CCDC60: variants seen among roughly 807,000 people sequenced by gnomAD.
CCDC60 encodes coiled-coil domain containing 60.
CCDC60 carries 54 observed loss-of-function variants against 63.5 expected under a neutral mutation model. The ratio of observed to expected loss-of-function variants is 0.85; its 90% CI spans 0.68 to 1.07. The LOEUF (loss-of-function observed/expected upper bound fraction) is 1.07, where lower values mean the gene tolerates loss of function less well. Ranked by LOEUF, CCDC60 falls within the 50% of genes least tolerant of loss-of-function variation. The pLI is 0.00. For synonymous variants in CCDC60, 206 were observed against 238.8 expected (o/e 0.86, Z 1.27); for missense variants, 651 against 684.3 (o/e 0.95, Z 0.54).
intron 1 of CCDC60, among the ~76,000 whole-genome samples, chr12:119,418,528 C>G (rs1956752127): frequency 6.7e-6 from 1 of 150,280 alleles, no homozygotes; most frequent in African/African-American, 2.4e-5. Context: ...GATTCTCCTG[C>G]CTCAGCCTCC....
chr12:119,351,289 T>G (rs766377725), intron 1 of CCDC60, among the ~76,000 whole-genome samples: 13 of 152,254 alleles, frequency 8.5e-5, no homozygotes, highest in Admixed American at 6.5e-5. Flanking sequence ...ACCTTGAAGA[T>G]GCCTTCAGGG....
chr12:119,487,831 T>G (rs772078944), intron 4 of CCDC60, among the ~76,000 whole-genome samples: 10 of 152,072 alleles, frequency 6.6e-5, no homozygotes, highest in Admixed American at 3.9e-4. Context: ...AATCAGAAAA[T>G]GTAGGTGAGA....
At chr12:119,524,003 G>A (rs946168319) in intron 11 of CCDC60, among the ~76,000 whole-genome samples, 185 bp downstream of exon 11, 1 of 152,120 alleles carries the variant, frequency 6.6e-6, no homozygotes, top group African/African-American at 2.4e-5. Context: ...AAATATATAG[G>A]TACAAATTCT....
At chr12:119,437,027 CA>C (rs1950338751) in intron 2 of CCDC60, among the ~76,000 whole-genome samples, 1 of 152,084 alleles carries the variant, frequency 6.6e-6, no homozygotes, top group South Asian at 2.1e-4. Flanking sequence ...CCAAGGAGCC[CA>C]ACAAAAATGA....
intron 6 of CCDC60, among the ~76,000 whole-genome samples, chr12:119,504,694 T>G (rs951673998): frequency 2.6e-5 from 4 of 152,188 alleles, no homozygotes; most frequent in Admixed American, 2.0e-4. Context: ...ATACACAGTT[T>G]GAAAATCAAC....
chr12:119,363,339 C>T (rs1271174657), intron 1 of CCDC60, among the ~76,000 whole-genome samples: 1 of 151,932 alleles, frequency 6.6e-6, no homozygotes, highest in Non-Finnish European at 1.5e-5. Flanking sequence ...TTGTGAATGC[C>T]TGTTTGAGTC....
chr12:119,459,723 C>T (rs1167629497), intron 2 of CCDC60, among the ~76,000 whole-genome samples: 1 of 152,146 alleles, frequency 6.6e-6, no homozygotes, highest in Non-Finnish European at 1.5e-5. Flanking sequence ...TTGTGCCCCC[C>T]AACCAGGAAC....
intron 13 of CCDC60, among the ~76,000 whole-genome samples, chr12:119,533,892 G>A (rs1414641455): frequency 4.6e-5 from 7 of 152,162 alleles, no homozygotes; most frequent in Admixed American, 4.6e-4. Flanking sequence ...GGATTGACTT[G>A]ACAATACGGG....
intron 1 of CCDC60, among the ~76,000 whole-genome samples, chr12:119,374,316 T>C (rs1955929534): frequency 6.6e-6 from 1 of 152,190 alleles, no homozygotes; most frequent in Admixed American, 6.5e-5. Context: ...ATGGCAGCCA[T>C]GAAGAAATTA....
chr12:119,388,372 T>G (rs1956095417), intron 1 of CCDC60: 1 of 152,224 alleles, frequency 6.6e-6, no homozygotes, highest in African/African-American at 2.4e-5. Flanking sequence ...ATTAATCAAA[T>G]AAACCTCCAG....
At chr12:119,442,714 A>G (rs1377594323) in intron 2 of CCDC60, among the ~76,000 whole-genome samples, 1 of 152,232 alleles carries the variant, frequency 6.6e-6, no homozygotes, top group Admixed American at 6.5e-5. Flanking sequence ...GCATGGATGC[A>G]TTCTATTTCA....
chr12:119,372,330 G>C (rs1330196493), intron 1 of CCDC60, among the ~76,000 whole-genome samples: 1 of 152,138 alleles, frequency 6.6e-6, no homozygotes, highest in Non-Finnish European at 1.5e-5. Flanking sequence ...TTGAAGCTAG[G>C]CTTCTCTACT....
intron 7 of CCDC60, among the ~76,000 whole-genome samples, chr12:119,509,092 C>T (rs1952137705): frequency 6.6e-6 from 1 of 152,148 alleles, no homozygotes; most frequent in Non-Finnish European, 1.5e-5. Flanking sequence ...CATCCAATCA[C>T]TCACCTGCTC....
intron 1 of CCDC60, among the ~76,000 whole-genome samples, chr12:119,393,055 T>A (rs1956188706): frequency 6.6e-6 from 1 of 152,140 alleles, no homozygotes; most frequent in African/African-American, 2.4e-5. Context: ...TCCCAGTTAC[T>A]TAGCAGGCTG....
At chr12:119,352,958 TA>T (rs34501748) in intron 1 of CCDC60, among the ~76,000 whole-genome samples, 48,704 of 151,058 alleles carry the variant, frequency 0.32, 8,950 homozygotes, top group Middle Eastern at 0.45. Flanking sequence ...AAATTAAAAT[TA>T]AAAAAAAATA....
At chr12:119,463,747 T>C (rs1185124765) in intron 2 of CCDC60, among the ~76,000 whole-genome samples, 3 of 152,272 alleles carry the variant, frequency 2.0e-5, no homozygotes, top group Non-Finnish European at 4.4e-5. Flanking sequence ...TGAAGTCCAG[T>C]GGCAGAGAGG....
intron 13 of CCDC60, among the ~76,000 whole-genome samples, chr12:119,538,834 C>T (rs959391664): frequency 6.6e-6 from 1 of 152,202 alleles, no homozygotes; most frequent in Non-Finnish European, 1.5e-5. Flanking sequence ...GATTTATCTA[C>T]TTTTGGTCTC....
At chr12:119,433,431 C>G in intron 2 of CCDC60, 1 of 702,360 alleles carries the variant, frequency 1.4e-6, no homozygotes, top group South Asian at 1.5e-5. Flanking sequence ...AAAGGCCAAA[C>G]AGAGAAGCCA....
chr12:119,414,009 C>T (rs1956653867), intron 1 of CCDC60, among the ~76,000 whole-genome samples: 1 of 152,010 alleles, frequency 6.6e-6, no homozygotes, highest in African/African-American at 2.4e-5. Context: ...TAACCCTGCA[C>T]TGTCTATCAC....
Sources: allele counts gnomAD v4.1 joint callset (sites outside exome capture counted in the v4.1 genomes callset), GRCh38; gene constraint gnomAD v4.1.1; transcripts MANE v1.5; gene names NCBI Gene and HGNC (gene_info 2026-07-23, HGNC 2026-07-21).